The following SHROOM3 variants were observed in gnomAD, a reference collection of about 807,000 sequenced individuals.
The protein encoded by SHROOM3 is protein Shroom3.
In SHROOM3, 47 loss-of-function variants were observed where a neutral mutation model predicts 138.6. That is an observed-to-expected ratio of 0.34 (90% confidence interval 0.27 to 0.43). The LOEUF (loss-of-function observed/expected upper bound fraction) is 0.43. Ranked by LOEUF, SHROOM3 falls within the 20% of genes least tolerant of loss-of-function variation. The probability of loss-of-function intolerance (pLI) is 1.00; values close to 1 mark genes in which losing one functional copy is unlikely to be tolerated. For missense variants in SHROOM3, 2,491 were observed against 2,596.5 expected, an observed-to-expected ratio of 0.96 and a Z score of 0.88; for synonymous variants, 1,062 against 1,063.3, an observed-to-expected ratio of 1.00 and a Z score of 0.02.
intron 2 of SHROOM3, among the ~76,000 whole-genome samples, chr4:76,612,234 T>A (rs957571221): frequency 3.9e-5 from 6 of 152,226 alleles, no homozygotes; most frequent in Non-Finnish European, 5.9e-5. Flanking sequence ...GCATGTATCC[T>A]GCTTCTCTCC....
At chr4:76,507,879 A>G (rs1213391999) in intron 1 of SHROOM3, among the ~76,000 whole-genome samples, 1 of 152,126 alleles carries the variant, frequency 6.6e-6, no homozygotes, top group Non-Finnish European at 1.5e-5. Context: ...AAATGTCTAT[A>G]TAAATCCTTT....
intron 9 of SHROOM3, among the ~76,000 whole-genome samples, chr4:76,760,401 A>AGG (rs1479892550): frequency 5.9e-5 from 9 of 152,180 alleles, no homozygotes; most frequent in African/African-American, 2.2e-4. Context: ...ATAGCACCAG[A>AGG]GGGGCTGCCT....
At chr4:76,447,669 C>A (rs1730842229) in intron 1 of SHROOM3, among the ~76,000 whole-genome samples, 1 of 152,156 alleles carries the variant, frequency 6.6e-6, no homozygotes, top group African/African-American at 2.4e-5. Flanking sequence ...TGAGTATCAG[C>A]TAGTGAGTAG....
rs553751010 is a variant in SHROOM3 at position 76,506,061 on chromosome 4, C to A, written c.169-49548C>A. Among the ~76,000 whole-genome samples the A allele has an allele frequency of 8.9e-4, 135 of 152,240 alleles. No homozygotes were observed. In the Middle Eastern group the frequency reaches 0.034, roughly 38 times the overall value. Reference sequence around the variant, plus strand: ...ACGTAGCCATAAAAAAGGATGAGTTCATGTCCTTTGCAGGGACATGGATGA... The same window carrying A: ...ACGTAGCCATAAAAAAGGATGAGTTAATGTCCTTTGCAGGGACATGGATGA... On this transcript the variant is annotated intron_variant, in intron 1 of 10. Transcript: ENST00000296043.
intron 2 of SHROOM3, among the ~76,000 whole-genome samples, chr4:76,666,463 A>T (rs1718697507): frequency 6.6e-6 from 1 of 152,180 alleles, no homozygotes; most frequent in African/African-American, 2.4e-5. Context: ...GTAGAAACAA[A>T]GTCTCACTCT....
In SHROOM3 at chr4:76,710,099, G is replaced by A. The variant is rs1218911563; in HGVS notation, c.324-57G>A. On this transcript the variant is annotated intron_variant, in intron 2 of 10. Coordinates refer to ENST00000296043, the MANE Select transcript of SHROOM3 (RefSeq NM_020859.4). ...CTTTTTCGGTTTTTAAGATTCATTT[G>A]TGCTCCTGTCCATGAACACCATCAT... 7 of 1,611,240 alleles carry A rather than the reference G, an allele frequency of 4.3e-6. No homozygotes were observed. The East Asian group carries it at 1.1e-4, about 26-fold the overall frequency.
chr4:76,633,332 C>CAA lies in SHROOM3; in HGVS notation c.324-76804_324-76803dup, dbSNP rs56002974. Among the ~76,000 whole-genome samples, 240 of 83,680 alleles carry CAA rather than the reference C, an allele frequency of 2.9e-3. 1 individual carries two copies. The highest frequency in any genetic ancestry group is 0.013 in the East Asian group (39 of 3,104). The allele number at this position is 83,680 out of a possible 152,430, so 54.9% of individuals were successfully genotyped here. On this transcript the variant is annotated intron_variant, in intron 2 of 10. Transcript: ENST00000296043. ...TGGGGGACAGAGTAAGACTCAGTCT[C>CAA]AAAAAAAAAAAAAAAAAAAAAGAAA...
At chr4:76,524,743 C>T (rs1402803881) in intron 1 of SHROOM3, among the ~76,000 whole-genome samples, 1 of 152,102 alleles carries the variant, frequency 6.6e-6, no homozygotes, top group East Asian at 1.9e-4. Flanking sequence ...TCACCCTGCC[C>T]CCAAGAGCTT....
At chr4:76,568,298 G>A (rs1733769533) in intron 2 of SHROOM3, among the ~76,000 whole-genome samples, 1 of 152,116 alleles carries the variant, frequency 6.6e-6, no homozygotes, top group African/African-American at 2.4e-5. Context: ...TGTAAAGTGG[G>A]GATAGTAACA....
chr4:76,615,155 C>T (rs1373851713), intron 2 of SHROOM3, among the ~76,000 whole-genome samples: 1 of 152,232 alleles, frequency 6.6e-6, no homozygotes, highest in Non-Finnish European at 1.5e-5. Flanking sequence ...CATTTGAAGA[C>T]ACGCCTAAAC....
intron 1 of SHROOM3, among the ~76,000 whole-genome samples, chr4:76,497,091 T>C (rs1339483825): frequency 6.6e-6 from 1 of 152,236 alleles, no homozygotes; most frequent in Non-Finnish European, 1.5e-5. Flanking sequence ...CATTTCTGTT[T>C]TAAGGCATGT....
At chr4:76,458,733 G>A (rs1413385021) in intron 1 of SHROOM3, among the ~76,000 whole-genome samples, 1 of 152,128 alleles carries the variant, frequency 6.6e-6, no homozygotes, top group Non-Finnish European at 1.5e-5. Flanking sequence ...TGGAAGTTCT[G>A]TGACCCTCTT....
At chr4:76,701,686 A>AT (rs1314508031) in intron 2 of SHROOM3, among the ~76,000 whole-genome samples, 2 of 152,118 alleles carry the variant, frequency 1.3e-5, no homozygotes, top group South Asian at 2.1e-4. Flanking sequence ...CCTAGACTGA[A>AT]TTTTTTCAGG....
At chr4:76,564,384 C>A (rs115007449) in intron 2 of SHROOM3, among the ~76,000 whole-genome samples, 3 of 152,282 alleles carry the variant, frequency 2.0e-5, no homozygotes, top group East Asian at 3.9e-4. Context: ...TTCCAAGAGG[C>A]CTGGCATCAT....
chr4:76,711,659 C>G (rs1240123735), intron 3 of SHROOM3, among the ~76,000 whole-genome samples: 1 of 152,168 alleles, frequency 6.6e-6, no homozygotes, highest in Non-Finnish European at 1.5e-5. Flanking sequence ...AGTCACTGCG[C>G]TCTAGCCTGG....
At chr4:76,678,618 A>G (rs532979741) in intron 2 of SHROOM3, among the ~76,000 whole-genome samples, 3 of 152,310 alleles carry the variant, frequency 2.0e-5, no homozygotes, top group South Asian at 4.2e-4. Context: ...AAATTCTGAT[A>G]TGACGCAAAG....
chr4:76,584,223 C>A (rs1734104840), intron 2 of SHROOM3, among the ~76,000 whole-genome samples: 1 of 151,824 alleles, frequency 6.6e-6, no homozygotes, highest in South Asian at 2.1e-4. Context: ...GAGGCTGAGG[C>A]AGGAGAATCT....
intron 4 of SHROOM3, among the ~76,000 whole-genome samples, chr4:76,735,839 TAAAAAAAAA>T (rs1170202101): frequency 1.8e-4 from 14 of 75,816 alleles, no homozygotes; most frequent in East Asian, 8.1e-4. Context: ...GACTCTATCT[TAAAAAAAAA>T]AAAAAAAAAA....
At chr4:76,608,682 A>ATAG (rs1734694752) in intron 2 of SHROOM3, among the ~76,000 whole-genome samples, 4 of 57,472 alleles carry the variant, frequency 7.0e-5, no homozygotes, top group African/African-American at 1.7e-4. Context: ...ATAGCACAGC[A>ATAG]CAGCACAGCA....
Sources: gnomAD v4.1 joint callset for allele counts (sites outside exome capture counted in the v4.1 genomes callset) on GRCh38, gnomAD v4.1.1 for gene constraint, MANE v1.5 for transcripts, NCBI Gene and HGNC (gene_info 2026-07-23, HGNC 2026-07-21) for gene names.